AKAP6: variants seen among roughly 807,000 people sequenced by gnomAD.
The protein encoded by AKAP6 is A-kinase anchoring protein 6, also known as A-kinase anchor protein 6.
A neutral mutation model predicts 188.5 loss-of-function variants in AKAP6; 58 were observed. The observed-to-expected ratio is 0.31, with a 90% CI of 0.25 to 0.38. The LOEUF (loss-of-function observed/expected upper bound fraction) is 0.38, where lower values mean the gene tolerates loss of function less well. Among genes scored for constraint, AKAP6 ranks in the 10% least tolerant of loss-of-function variants. The pLI is 1.00. For missense variants in AKAP6, 2,710 were observed against 2,740.0 expected (o/e 0.99, Z 0.24); for synonymous variants, 989 against 998.6 (o/e 0.99, Z 0.18).
At position 32,545,876 on chromosome 14, in the gene AKAP6, A is replaced by G. The variant is rs17099240; in HGVS notation, c.1223A>G (p.Asn408Ser). ...EETFKNDLKG[N>S]GGKRQMVDLK... The stretch of plus-strand genomic sequence containing the variant: ...ACTTTTAAGAATGATCTGAAAGGCA[A>G]TGGTGGAAAGAGGCAAATGGTTGAT... The change falls in exon 4 of 14, where the codon AAT becomes AGT. Residue 408 changes from asparagine (N) to serine (S), a missense_variant. This residue lies in a region of AKAP6 where 2,473 missense variants were observed against 2,426.1 expected (regional missense o/e 1.02). Coordinates refer to ENST00000280979, the MANE Select transcript of AKAP6 (RefSeq NM_004274.5). 0.11 allele frequency: 172,496 copies of G among 1,614,078 alleles called. 10,364 individuals carry two copies. Among genetic ancestry groups the G allele is most frequent in the African/African-American group, 0.2 (15,191 of 74,996 alleles).
chr14:32,590,738 T>G (rs1885455387), intron 5 of AKAP6, among the ~76,000 whole-genome samples: 1 of 152,154 alleles, frequency 6.6e-6, no homozygotes, highest in East Asian at 1.9e-4. Context: ...ATTTATCGCC[T>G]TTGACAAAAA....
At position 32,522,580 on chromosome 14, in the gene AKAP6, A is replaced by G. The variant is rs1187391480; in HGVS notation, c.325-12974A>G. ...AGACATTTATGCAGCTAACAGACAC[A>G]TGAAAAAAATGCTCATCATCACTGG... On this transcript the variant is annotated intron_variant, in intron 2 of 13. Coordinates refer to ENST00000280979, the MANE Select transcript of AKAP6 (RefSeq NM_004274.5). 2.6e-5 allele frequency among the ~76,000 whole-genome samples: 4 copies of G among 152,256 alleles called. No individual in the cohort carries two copies. In the East Asian group the frequency reaches 5.8e-4, roughly 22 times the overall value.
intron 9 of AKAP6, among the ~76,000 whole-genome samples, chr14:32,708,375 G>GGA (rs1478038095): frequency 6.6e-6 from 1 of 150,818 alleles, no homozygotes; most frequent in Non-Finnish European, 1.5e-5. Context: ...ATGATGAGAG[G>GGA]GAGAGACATG....
chr14:32,586,190 T>A (rs931299084), intron 5 of AKAP6, among the ~76,000 whole-genome samples: 1 of 152,192 alleles, frequency 6.6e-6, no homozygotes, highest in Non-Finnish European at 1.5e-5. Flanking sequence ...TTATGAATTG[T>A]GTTTAAATTA....
intron 2 of AKAP6, among the ~76,000 whole-genome samples, chr14:32,483,078 C>T (rs1957035): frequency 0.63 from 94,561 of 151,254 alleles, 30,811 homozygotes; most frequent in East Asian, 0.86. Flanking sequence ...CACTAATTTA[C>T]ATTCTTCCCA....
At chr14:32,499,328 C>CAAAAAAAAA (rs71432061) in intron 2 of AKAP6, among the ~76,000 whole-genome samples, 11 of 111,022 alleles carry the variant, frequency 9.9e-5, no homozygotes, top group Non-Finnish European at 1.3e-4. Flanking sequence ...AGTGTAACAG[C>CAAAAAAAAA]AAAAAAAAAA....
chr14:32,676,615 T>C (rs1045331668), intron 7 of AKAP6, among the ~76,000 whole-genome samples: 1 of 152,214 alleles, frequency 6.6e-6, no homozygotes, highest in Non-Finnish European at 1.5e-5. Context: ...TGTCTTCTTA[T>C]TCAAGTCAAT....
At chr14:32,465,851 C>T (rs1360788272) in intron 2 of AKAP6, among the ~76,000 whole-genome samples, 1 of 152,068 alleles carries the variant, frequency 6.6e-6, no homozygotes, top group Non-Finnish European at 1.5e-5. Flanking sequence ...GGTTGATATC[C>T]AGAATCTACA....
At chr14:32,425,451 G>A (rs1418773351) in intron 1 of AKAP6, among the ~76,000 whole-genome samples, 2 of 152,052 alleles carry the variant, frequency 1.3e-5, no homozygotes, top group Non-Finnish European at 2.9e-5. Context: ...TTAGACAGGT[G>A]TGGTGGTGTG....
At chr14:32,511,343 T>C (rs1881248831) in intron 2 of AKAP6, among the ~76,000 whole-genome samples, 1 of 151,860 alleles carries the variant, frequency 6.6e-6, no homozygotes, top group Non-Finnish European at 1.5e-5. Flanking sequence ...TCATTCTGTT[T>C]ACAGAAATCA....
At chr14:32,803,485 A>G (rs1343405553) in intron 12 of AKAP6, among the ~76,000 whole-genome samples, 1 of 152,216 alleles carries the variant, frequency 6.6e-6, no homozygotes, top group African/African-American at 2.4e-5. Flanking sequence ...GCATCGTTTT[A>G]TAGAAGAAAA....
intron 1 of AKAP6, among the ~76,000 whole-genome samples, chr14:32,348,417 C>CTTTTTTTTTTTTTTTTTT (rs71115063): frequency 7.9e-6 from 1 of 126,168 alleles, no homozygotes; most frequent in Admixed American, 8.0e-5. Context: ...TCTTTTGTTT[C>CTTTTTTTTTTTTTTTTTT]TTTTTTTTTT....
At position 32,724,990 on chromosome 14, in the gene AKAP6, T is replaced by TAAAAAAAAAAAAAAAAAAAAAAAA. The variant is rs71432079; in HGVS notation, c.3001-7460_3001-7437dup. 2.0e-4 allele frequency among the ~76,000 whole-genome samples: 7 copies of TAAAAAAAAAAAAAAAAAAAAAAAA among 34,914 alleles called. 3 individuals are homozygous for TAAAAAAAAAAAAAAAAAAAAAAAA. Among genetic ancestry groups the TAAAAAAAAAAAAAAAAAAAAAAAA allele is most frequent in the Non-Finnish European group, 3.3e-4 (7 of 21,060 alleles). The allele number at this position is 34,914 out of a possible 152,430, so 22.9% of individuals were successfully genotyped here. On this transcript the variant is annotated intron_variant, in intron 9 of 13. Transcript: ENST00000280979. ...GGCTTTGTGTCATTTATATTCAACC[T>TAAAAAAAAAAAAAAAAAAAAAAAA]AAAAAAAAAAAAAAAAAAAAAAAAA...
intron 11 of AKAP6, among the ~76,000 whole-genome samples, chr14:32,758,306 A>G (rs568388414): frequency 5.9e-5 from 9 of 152,298 alleles, no homozygotes; most frequent in African/African-American, 2.2e-4. Context: ...CAGAATACCA[A>G]TCCAGGCCAT....
At chr14:32,696,456 C>T (rs1241316182) in intron 9 of AKAP6, among the ~76,000 whole-genome samples, 4 of 152,102 alleles carry the variant, frequency 2.6e-5, no homozygotes, top group Non-Finnish European at 5.9e-5. Context: ...AAACGTGGTA[C>T]GATTGGAGCA....
rs1204002078 is a variant in AKAP6 at position 32,535,647 on chromosome 14, G to C, written c.418G>C (p.Val140Leu). The change falls in exon 3 of 14, where the codon GTG becomes CTG. Residue 140 changes from valine (V) to leucine (L), a missense_variant. By Grantham distance (32) the Val-to-Leu change is conservative (BLOSUM62 1). Transcript: ENST00000280979. ...AAAGCTGCTGTCTTACTCTGTCAACGTGATAGTGGACATCCACGCAGTGCA... is the reference window on the plus strand; with the variant it reads ...AAAGCTGCTGTCTTACTCTGTCAACCTGATAGTGGACATCCACGCAGTGCA... ...SLKLLSYSVN[V>L]IVDIHAVQLL... 1.2e-6 allele frequency: 2 copies of C among 1,614,206 alleles called. No individual in the cohort carries two copies. Among genetic ancestry groups the C allele is most frequent in the East Asian group, 2.2e-5 (1 of 44,882 alleles).
At chr14:32,672,720 A>G (rs1889262525) in intron 7 of AKAP6, among the ~76,000 whole-genome samples, 1 of 152,154 alleles carries the variant, frequency 6.6e-6, no homozygotes, top group African/African-American at 2.4e-5. Context: ...TTAAAAGTTT[A>G]CCAGAGGTAC....
At chr14:32,748,873 A>G (rs1050558562) in intron 11 of AKAP6, among the ~76,000 whole-genome samples, 8 of 152,134 alleles carry the variant, frequency 5.3e-5, no homozygotes, top group African/African-American at 1.9e-4. Flanking sequence ...TTCTGTCTCC[A>G]TGACCTTCTT....
chr14:32,783,697 A>G (rs8018844), intron 12 of AKAP6, among the ~76,000 whole-genome samples: 38,979 of 152,028 alleles, frequency 0.26, 6,104 homozygotes, highest in African/African-American at 0.45. Context: ...ACTCTTAATA[A>G]CCATATAATT....
Sources: allele counts gnomAD v4.1 joint callset (sites outside exome capture counted in the v4.1 genomes callset), GRCh38; gene constraint gnomAD v4.1.1; regional missense constraint gnomAD v4.1.1; transcripts MANE v1.5; gene names NCBI Gene and HGNC (gene_info 2026-07-23, HGNC 2026-07-21).